The following ROR1 variants were observed in gnomAD, a reference collection of about 807,000 sequenced individuals.
ROR1 encodes inactive tyrosine-protein kinase transmembrane receptor ROR1.
In ROR1, 19 loss-of-function variants were observed where a neutral mutation model predicts 78.8. The observed-to-expected ratio is 0.24, with a 90% CI of 0.17 to 0.35. The LOEUF (loss-of-function observed/expected upper bound fraction) is 0.35, where lower values mean the gene tolerates loss of function less well. Ranked by LOEUF, ROR1 falls within the 10% of genes least tolerant of loss-of-function variation. The pLI is 1.00. For missense variants in ROR1, 917 were observed against 1,177.8 expected, an observed-to-expected ratio of 0.78 and a Z score of 3.24; for synonymous variants, 386 against 433.6, an observed-to-expected ratio of 0.89 and a Z score of 1.36.
At chr1:64,095,341 A>G (rs904457462) in intron 4 of ROR1, 1 of 152,212 alleles carries the variant, frequency 6.6e-6, no homozygotes, top group African/African-American at 2.4e-5. Context: ...TGGTCTCCAA[A>G]TGGTAATAGC....
chr1:64,075,424 G>A lies in ROR1; in HGVS notation c.482+24708G>A, dbSNP rs536779939. On this transcript the variant is annotated intron_variant, in intron 4 of 8. Transcript: ENST00000371079. ...TTAGTTTCCTCATCTGTCCTTATAC[G>A]ATGTTTCTAGAAGCTTCTTCATAGG... Among the ~76,000 whole-genome samples the A allele has an allele frequency of 1.2e-4, 19 of 152,208 alleles. No homozygotes were observed. The South Asian group carries it at 1.7e-3, about 13-fold the overall frequency.
chr1:64,078,510 G>A lies in ROR1; in HGVS notation c.482+27794G>A, dbSNP rs780268435. 1.3e-5 allele frequency among the ~76,000 whole-genome samples: 2 copies of A among 152,190 alleles called. 1 individual carries two copies. Among genetic ancestry groups the A allele is most frequent in the Non-Finnish European group, 2.9e-5 (2 of 68,030 alleles). Reference sequence around the variant, plus strand: ...GGAGACTCGGTAGGATAGTGCTTCAGTTAGAAGGAGGGATGGCCACGTTTG... The same window carrying A: ...GGAGACTCGGTAGGATAGTGCTTCAATTAGAAGGAGGGATGGCCACGTTTG... On this transcript the variant is annotated intron_variant, in intron 4 of 8. Coordinates refer to ENST00000371079, the MANE Select transcript of ROR1 (RefSeq NM_005012.4).
At chr1:63,929,139 T>C (rs1429998285) in intron 1 of ROR1, among the ~76,000 whole-genome samples, 3 of 152,164 alleles carry the variant, frequency 2.0e-5, no homozygotes, top group Admixed American at 6.5e-5. Context: ...TTGCTGTGTG[T>C]TTTCTCTTTC....
rs991757587 is a variant in ROR1 at position 63,774,961 on chromosome 1, T to A, written c.91+453T>A. Among the ~76,000 whole-genome samples, 1 of 151,948 alleles carries A rather than the reference T, an allele frequency of 6.6e-6. No individual in the cohort carries two copies. Among genetic ancestry groups the A allele is most frequent in the Non-Finnish European group, 1.5e-5 (1 of 67,982 alleles). On this transcript the variant is annotated intron_variant, in intron 1 of 8. Transcript: ENST00000371079. This position sits in a 1 kb window ranked among gnomAD's most constrained non-coding sequence, Gnocchi z 5.7. The stretch of plus-strand genomic sequence containing the variant: ...AGGGAGTTTGGATTTTCAGTGGTGC[T>A]CGCCAGAGCCCAGGCGGCTCGCGGA...
rs1553130529 is a variant in ROR1 at position 63,774,461 on chromosome 1, CGCTGCTGGCCGCGCT to C, written c.57_71del (p.Leu20_Ala24del). 3.4e-6 allele frequency: 4 copies of C among 1,168,868 alleles called. No individual in the cohort carries two copies. The highest frequency in any genetic ancestry group is 4.2e-5 in the East Asian group (1 of 23,652). 72.4% of individuals were successfully genotyped at this position (1,168,868 alleles called of 1,614,324 possible). A position where few individuals can be genotyped will look rare whatever the true frequency, so the allele number is the denominator to read the frequency against. ...CGCGGGACGCGCCCGCCGCTCCTGG[CGCTGCTGGCCGCGCT>C]GCTGCTGGCCGCACGCGGGGCTGCT... On this transcript the variant is annotated inframe_deletion, in exon 1 of 9. Transcript: ENST00000371079. This position sits in a 1 kb window ranked among gnomAD's most constrained non-coding sequence, Gnocchi z 5.7.
At chr1:63,931,460 T>C (rs1018775965) in intron 1 of ROR1, among the ~76,000 whole-genome samples, 1 of 152,194 alleles carries the variant, frequency 6.6e-6, no homozygotes, top group Non-Finnish European at 1.5e-5. Context: ...TACAGTAGTC[T>C]TCCTTTATCC....
chr1:64,008,007 C>T (rs558814333), intron 1 of ROR1, among the ~76,000 whole-genome samples: 11 of 147,032 alleles, frequency 7.5e-5, no homozygotes, highest in Non-Finnish European at 1.3e-4. Flanking sequence ...TCAGAGGGTA[C>T]ATGTACAGGC....
In ROR1 at chr1:64,177,505, T is replaced by C; in HGVS notation, c.1464T>C (p.Tyr488=). The change falls in exon 9 of 9, where the codon TAT becomes TAC. Residue 488 remains tyrosine (Y), a synonymous_variant. Transcript: ENST00000371079. ...ELGECAFGKI[Y]KGHLYLPGMD... The stretch of plus-strand genomic sequence containing the variant: ...GTGAGTGTGCCTTTGGAAAAATCTA[T>C]AAAGGCCATCTCTATCTCCCAGGCA... 6.2e-7 allele frequency: 1 copy of C among 1,614,160 alleles called. No individual in the cohort carries two copies. The highest frequency in any genetic ancestry group is 8.5e-7 in the Non-Finnish European group (1 of 1,180,022).
At chr1:64,148,761 A>G (rs984870787) in intron 7 of ROR1, among the ~76,000 whole-genome samples, 3 of 152,188 alleles carry the variant, frequency 2.0e-5, no homozygotes, top group African/African-American at 7.2e-5. Flanking sequence ...CTAGGATTAT[A>G]TGCATATGCC....
intron 7 of ROR1, chr1:64,143,237 G>A: frequency 1.0e-6 from 1 of 989,468 alleles, no homozygotes; most frequent in Non-Finnish European, 1.2e-6. Flanking sequence ...TAATGAAAAT[G>A]GGCCAAGCAT....
intron 1 of ROR1, among the ~76,000 whole-genome samples, chr1:63,852,340 C>A (rs1038455520): frequency 6.6e-6 from 1 of 152,210 alleles, no homozygotes; most frequent in African/African-American, 2.4e-5. Context: ...CAGCCCCCTG[C>A]AACTTTCCTA....
At chr1:64,137,269 G>T in intron 4 of ROR1, 100 bp from the exon 5 acceptor site, 1 of 1,269,844 alleles carries the variant, frequency 7.9e-7, no homozygotes, top group East Asian at 2.4e-5. Context: ...GTGCCCAACT[G>T]TGCCCCCTAG....
chr1:63,795,581 C>T (rs973561778), intron 1 of ROR1, among the ~76,000 whole-genome samples: 2 of 151,960 alleles, frequency 1.3e-5, no homozygotes, highest in Non-Finnish European at 2.9e-5. Flanking sequence ...CTCTTAAGAT[C>T]GTGAAAATAC....
chr1:64,113,810 A>G (rs1241913626), intron 4 of ROR1: 7 of 151,972 alleles, frequency 4.6e-5, no homozygotes, highest in Non-Finnish European at 7.4e-5. Flanking sequence ...AAAAAAAAGA[A>G]AGAAAGAAAA....
intron 4 of ROR1, among the ~76,000 whole-genome samples, chr1:64,131,876 C>A (rs1648924821): frequency 6.6e-6 from 1 of 152,160 alleles, no homozygotes; most frequent in Non-Finnish European, 1.5e-5. Flanking sequence ...CAACCTTGAT[C>A]TCCTAAAGTG....
chr1:63,791,379 G>T (rs1347167777), intron 1 of ROR1, among the ~76,000 whole-genome samples: 1 of 151,998 alleles, frequency 6.6e-6, no homozygotes, highest in Non-Finnish European at 1.5e-5. Context: ...AATATGTCTG[G>T]GAGGCACTAA....
intron 4 of ROR1, among the ~76,000 whole-genome samples, chr1:64,083,851 T>A (rs1647126997): frequency 6.6e-6 from 1 of 152,106 alleles, no homozygotes; most frequent in African/African-American, 2.4e-5. Flanking sequence ...GGGGAAAATG[T>A]GTAAAGAGAG....
intron 4 of ROR1, among the ~76,000 whole-genome samples, chr1:64,063,172 G>T (rs970138179): frequency 2.0e-5 from 3 of 152,308 alleles, no homozygotes; most frequent in African/African-American, 7.2e-5. Context: ...TAAATTGTGG[G>T]AAAGTGACTA....
intron 1 of ROR1, among the ~76,000 whole-genome samples, chr1:63,934,876 G>A (rs1645782294): frequency 6.6e-6 from 1 of 152,058 alleles, no homozygotes; most frequent in African/African-American, 2.4e-5. Context: ...GATGTGAAGG[G>A]GAGTTAACCC....
Sources: allele counts gnomAD v4.1 joint callset (sites outside exome capture counted in the v4.1 genomes callset), GRCh38; gene constraint gnomAD v4.1.1; non-coding constraint Gnocchi (gnomAD v3.1); transcripts MANE v1.5; gene names NCBI Gene and HGNC (gene_info 2026-07-23, HGNC 2026-07-21).